Variants in CNTNAP2 observed in about 807,000 individuals in gnomAD.
The protein encoded by CNTNAP2 is contactin-associated protein-like 2.
A neutral mutation model predicts 155.2 loss-of-function variants in CNTNAP2; 98 were observed. That is an observed-to-expected ratio of 0.63 (90% CI 0.54 to 0.75). The LOEUF is 0.75. Among genes scored for constraint, CNTNAP2 ranks in the 30% least tolerant of loss-of-function variants. The pLI, the probability that CNTNAP2 is intolerant of heterozygous loss-of-function variation, is 0.00. For missense variants in CNTNAP2, 1,727 were observed against 1,688.1 expected (o/e 1.02, Z -0.40); for synonymous variants, 651 against 631.2 (o/e 1.03, Z -0.47).
intron 22 of CNTNAP2, among the ~76,000 whole-genome samples, chr7:148,406,100 C>T (rs188448370): frequency 7.9e-5 from 12 of 151,722 alleles, no homozygotes; most frequent in South Asian, 2.1e-4. Context: ...GGCATGTTGG[C>T]GGGCGCCTGT....
At chr7:147,013,857 C>G (rs1351393526) in intron 3 of CNTNAP2, among the ~76,000 whole-genome samples, 7 of 152,046 alleles carry the variant, frequency 4.6e-5, no homozygotes, top group Non-Finnish European at 7.4e-5. Context: ...TACCATGACC[C>G]AAATACAGTG....
intron 1 of CNTNAP2, among the ~76,000 whole-genome samples, chr7:146,343,896 T>C (rs1437618859): frequency 6.6e-6 from 1 of 152,112 alleles, no homozygotes; most frequent in Non-Finnish European, 1.5e-5. Flanking sequence ...TAAGATATGA[T>C]TTTTAAATAA....
At chr7:146,718,636 T>C (rs1262987253) in intron 1 of CNTNAP2, among the ~76,000 whole-genome samples, 1 of 152,178 alleles carries the variant, frequency 6.6e-6, no homozygotes, top group Non-Finnish European at 1.5e-5. Context: ...GCTGTCACTA[T>C]CAGTTATCGC....
Position 147,078,109 on chromosome 7 carries a change from A to G in CNTNAP2, c.551-30038A>G, listed in dbSNP as rs73740573. Among the ~76,000 whole-genome samples, 202 of 152,296 alleles carry G rather than the reference A, an allele frequency of 1.3e-3. 2 individuals carry two copies. In the Middle Eastern group the frequency reaches 0.02, roughly 15 times the overall value. The stretch of plus-strand genomic sequence containing the variant: ...CAATGTATGCTGCACAATTAAGTAG[A>G]TTGATAGATATTTTTCATCAGCACA... On this transcript the variant is annotated intron_variant, in intron 4 of 23. Transcript: ENST00000361727.
rs545625551 is a variant in CNTNAP2, at chr7:147,114,477, T to A, written c.754+6127T>A. Among the ~76,000 whole-genome samples the A allele has an allele frequency of 2.6e-5, 4 of 152,350 alleles. 1 individual carries two copies. Among genetic ancestry groups the A allele is most frequent in the African/African-American group, 9.6e-5 (4 of 41,584 alleles). ...TTTGAAGATCTCTAAGAACTTGCTT[T>A]ATGAATCTGGGTGCTCCTGTACTGG... On this transcript the variant is annotated intron_variant, in intron 5 of 23. Coordinates refer to ENST00000361727, the MANE Select transcript of CNTNAP2 (RefSeq NM_014141.6).
intron 12 of CNTNAP2, among the ~76,000 whole-genome samples, chr7:147,637,693 A>T (rs28432729): frequency 0.2 from 30,840 of 152,046 alleles, 3,290 homozygotes; most frequent in Middle Eastern, 0.24. Context: ...TAAATTCTGG[A>T]AATCCAGAAT....
At chr7:148,308,327 GA>G (rs933066531) in intron 21 of CNTNAP2, among the ~76,000 whole-genome samples, 2 of 151,386 alleles carry the variant, frequency 1.3e-5, no homozygotes, top group Non-Finnish European at 2.9e-5. Context: ...AGAAAACTTG[GA>G]AAAAAACAAA....
intron 13 of CNTNAP2, among the ~76,000 whole-genome samples, chr7:147,805,358 T>C (rs1430067274): frequency 6.6e-6 from 1 of 152,200 alleles, no homozygotes; most frequent in African/African-American, 2.4e-5. Context: ...TATAAGATTA[T>C]ATCATCTAAA....
intron 1 of CNTNAP2, among the ~76,000 whole-genome samples, chr7:146,332,941 A>ATTTTTTTTTTTTTTTTTTTTTTTTTTTTT (rs4016094): frequency 9.8e-6 from 1 of 102,456 alleles, no homozygotes; most frequent in Non-Finnish European, 2.0e-5. Context: ...TTCTTCTTCT[A>ATTTTTTTTTTTTTTTTTTTTTTTTTTTTT]TTTTTTTTTT....
intron 1 of CNTNAP2, among the ~76,000 whole-genome samples, chr7:146,336,233 T>TG (rs1801272673): frequency 2.0e-5 from 3 of 151,366 alleles, no homozygotes; most frequent in Non-Finnish European, 1.5e-5. Flanking sequence ...AATGTAAATA[T>TG]TTATCTATAG....
At chr7:146,134,324 G>T (rs1797764198) in intron 1 of CNTNAP2, among the ~76,000 whole-genome samples, 1 of 143,338 alleles carries the variant, frequency 7.0e-6, no homozygotes, top group Admixed American at 7.1e-5. Flanking sequence ...AGACAATGGG[G>T]TTTTCTAGAT....
intron 15 of CNTNAP2, among the ~76,000 whole-genome samples, chr7:148,028,571 G>C (rs561065881): frequency 1.3e-5 from 2 of 152,146 alleles, no homozygotes; most frequent in South Asian, 4.1e-4. Flanking sequence ...ACAAGACCCC[G>C]TCTCAAAATA....
At position 147,594,313 on chromosome 7, in the gene CNTNAP2, ATCT is replaced by A. The variant is rs1304968780; in HGVS notation, c.1897+32060_1897+32062del. ...GCTACCCTCTGGTATCTTGGGTTTG[ATCT>A]TCTGCTTCGGGCTGTGGCTTCAGGA... On this transcript the variant is annotated intron_variant, in intron 12 of 23. Transcript: ENST00000361727. Among the ~76,000 whole-genome samples the A allele has an allele frequency of 4.0e-5, 6 of 151,714 alleles. No individual in the cohort carries two copies. The South Asian group carries it at 1.2e-3, about 32-fold the overall frequency.
intron 11 of CNTNAP2, among the ~76,000 whole-genome samples, chr7:147,527,632 G>C (rs546443721): frequency 3.9e-5 from 6 of 152,308 alleles, no homozygotes; most frequent in East Asian, 1.9e-4. Context: ...TTACATAGCA[G>C]AATTTAAATT....
At chr7:146,148,936 G>A (rs1223106702) in intron 1 of CNTNAP2, among the ~76,000 whole-genome samples, 1 of 146,154 alleles carries the variant, frequency 6.8e-6, no homozygotes. Flanking sequence ...GGTATGTTAT[G>A]TTTACTCCAT....
intron 11 of CNTNAP2, among the ~76,000 whole-genome samples, chr7:147,501,170 C>A (rs1798804608): frequency 6.6e-6 from 1 of 151,588 alleles, no homozygotes; most frequent in South Asian, 2.1e-4. Flanking sequence ...AAGCATTTGA[C>A]AAAATTCAAC....
intron 8 of CNTNAP2, among the ~76,000 whole-genome samples, chr7:147,262,524 G>A (rs528774506): frequency 8.3e-4 from 127 of 152,328 alleles, no homozygotes; most frequent in African/African-American, 2.9e-3. Flanking sequence ...GGGAGGCCGG[G>A]CCTGGCGCGG....
At chr7:147,950,958 G>C (rs543078630) in intron 14 of CNTNAP2, among the ~76,000 whole-genome samples, 1 of 152,312 alleles carries the variant, frequency 6.6e-6, no homozygotes, top group East Asian at 1.9e-4. Context: ...TCTTTGTCTT[G>C]CCATGTTTTC....
chr7:147,171,482 C>T (rs946955628), intron 8 of CNTNAP2, among the ~76,000 whole-genome samples: 1 of 152,122 alleles, frequency 6.6e-6, no homozygotes. Flanking sequence ...GTGTCAGCTA[C>T]ACAAAAGACC....
Sources: allele counts gnomAD v4.1 joint callset (sites outside exome capture counted in the v4.1 genomes callset), GRCh38; gene constraint gnomAD v4.1.1; transcripts MANE v1.5; gene names NCBI Gene and HGNC (gene_info 2026-07-23, HGNC 2026-07-21).